FCHSD2: variants seen among roughly 807,000 people sequenced by gnomAD.
The protein encoded by FCHSD2 is F-BAR and double SH3 domains protein 2.
A neutral mutation model predicts 108.1 loss-of-function variants in FCHSD2; 38 were observed. That is an observed-to-expected ratio of 0.35 (90% CI 0.27 to 0.46). FCHSD2 has a LOEUF of 0.46. Among genes scored for constraint, FCHSD2 ranks in the 20% least tolerant of loss-of-function variants. The probability of loss-of-function intolerance (pLI) is 1.00; values close to 1 mark genes in which losing one functional copy is unlikely to be tolerated. For missense variants in FCHSD2, 751 were observed against 897.8 expected (o/e 0.84, Z 2.09); for synonymous variants, 279 against 314.7 (o/e 0.89, Z 1.20).
chr11:72,884,483 A>T (rs547952731), intron 12 of FCHSD2, among the ~76,000 whole-genome samples: 1 of 149,702 alleles, frequency 6.7e-6, no homozygotes, highest in African/African-American at 2.4e-5. Context: ...AAATATATAT[A>T]TATCTGTGTG....
At chr11:73,074,776 G>C (rs1425528808) in intron 3 of FCHSD2, among the ~76,000 whole-genome samples, 1 of 152,198 alleles carries the variant, frequency 6.6e-6, no homozygotes, top group Non-Finnish European at 1.5e-5. Flanking sequence ...GCCAGGCACA[G>C]TGGCTCATGC....
chr11:73,075,310 C>T (rs909184613), intron 3 of FCHSD2, among the ~76,000 whole-genome samples: 2 of 152,138 alleles, frequency 1.3e-5, no homozygotes, highest in Admixed American at 6.6e-5. Context: ...TAGGTAAATA[C>T]CCAATAGAAC....
intron 9 of FCHSD2, among the ~76,000 whole-genome samples, chr11:72,903,379 G>A (rs936047481): frequency 2.0e-5 from 3 of 152,058 alleles, no homozygotes; most frequent in African/African-American, 7.2e-5. Flanking sequence ...ACTGCGCCCA[G>A]CTAATTTTTT....
chr11:73,097,383 TA>T (rs977172567), intron 2 of FCHSD2, among the ~76,000 whole-genome samples: 15 of 150,924 alleles, frequency 9.9e-5, no homozygotes, highest in African/African-American at 2.4e-4. Context: ...TTTATTTATT[TA>T]TTTTTTTTTT....
chr11:73,141,778 A>G, intron 1 of FCHSD2, 79 bp downstream of exon 1: 3 of 1,415,920 alleles, frequency 2.1e-6, no homozygotes, highest in East Asian at 2.7e-5. Context: ...CGGGAGGGGG[A>G]AGGGGCGCAG....
intron 13 of FCHSD2, among the ~76,000 whole-genome samples, chr11:72,854,681 A>G (rs1475402174): frequency 6.6e-6 from 1 of 152,232 alleles, no homozygotes; most frequent in Non-Finnish European, 1.5e-5. Flanking sequence ...TAAGTGGAAT[A>G]ACCCAGTCAC....
At chr11:73,082,086 C>A (rs1859701529) in intron 3 of FCHSD2, among the ~76,000 whole-genome samples, 1 of 151,820 alleles carries the variant, frequency 6.6e-6, no homozygotes, top group African/African-American at 2.4e-5. Context: ...GCCTGTAATC[C>A]CAGCACTTTG....
intron 8 of FCHSD2, among the ~76,000 whole-genome samples, chr11:72,968,724 C>T (rs1423365064): frequency 1.3e-5 from 2 of 152,154 alleles, no homozygotes; most frequent in South Asian, 2.1e-4. Flanking sequence ...AAACTATATA[C>T]CCCATGAGCA....
At chr11:72,847,578 T>C (rs895835525) in intron 14 of FCHSD2, among the ~76,000 whole-genome samples, 2 of 152,118 alleles carry the variant, frequency 1.3e-5, no homozygotes, top group Non-Finnish European at 2.9e-5. Flanking sequence ...AGCAGTACTA[T>C]ATGAAAGGAC....
At chr11:73,061,164 A>G (rs905908281) in intron 3 of FCHSD2, among the ~76,000 whole-genome samples, 9 of 152,208 alleles carry the variant, frequency 5.9e-5, no homozygotes, top group South Asian at 2.1e-4. Flanking sequence ...ATGGAAGGCG[A>G]GCCGAAGCAG....
intron 3 of FCHSD2, among the ~76,000 whole-genome samples, chr11:73,072,906 A>G (rs1859468308): frequency 6.6e-6 from 1 of 152,198 alleles, no homozygotes; most frequent in Non-Finnish European, 1.5e-5. Context: ...AAAATAGCAA[A>G]AAATTTTAGG....
At chr11:72,880,879 A>G (rs1298592291) in intron 12 of FCHSD2, among the ~76,000 whole-genome samples, 1 of 151,636 alleles carries the variant, frequency 6.6e-6, no homozygotes, top group East Asian at 1.9e-4. Flanking sequence ...AAAAAAAAAA[A>G]AAGAAAACAA....
intron 12 of FCHSD2, among the ~76,000 whole-genome samples, chr11:72,879,224 A>G (rs970986149): frequency 1.3e-5 from 2 of 152,366 alleles, no homozygotes; most frequent in Admixed American, 6.5e-5. Flanking sequence ...TTTCTAATTT[A>G]TCTCTACATT....
intron 3 of FCHSD2, among the ~76,000 whole-genome samples, chr11:73,038,893 A>G (rs1858563298): frequency 1.3e-5 from 2 of 152,232 alleles, no homozygotes; most frequent in African/African-American, 4.8e-5. Context: ...CAATATCCAT[A>G]TAAATTATGA....
At chr11:72,942,855 C>T (rs765381849) in intron 8 of FCHSD2, among the ~76,000 whole-genome samples, 3 of 152,064 alleles carry the variant, frequency 2.0e-5, no homozygotes, top group Non-Finnish European at 4.4e-5. Flanking sequence ...GATCATAGTT[C>T]GCAGCTTCAA....
intron 3 of FCHSD2, among the ~76,000 whole-genome samples, chr11:73,051,866 TAAAC>T (rs1565386075): frequency 9.7e-6 from 1 of 102,846 alleles, no homozygotes; most frequent in Non-Finnish European, 1.9e-5. Flanking sequence ...ACACGGTATA[TAAAC>T]ACACACACAC....
chr11:72,973,310 T>C (rs560009367), intron 8 of FCHSD2, among the ~76,000 whole-genome samples: 4 of 151,332 alleles, frequency 2.6e-5, no homozygotes, highest in East Asian at 1.9e-4. Flanking sequence ...GAGGTTGTGG[T>C]GAGACGAGAT....
chr11:73,077,097 C>CAAAAAA (rs372641793), intron 3 of FCHSD2, among the ~76,000 whole-genome samples: 6 of 72,384 alleles, frequency 8.3e-5, no homozygotes, highest in Non-Finnish European at 1.3e-4. Context: ...GACTCTGTCT[C>CAAAAAA]AAAAAAAAAA....
chr11:73,128,510 TGTTGAGTTAATTTCTG>T (rs1860912739), intron 2 of FCHSD2, among the ~76,000 whole-genome samples: 1 of 152,124 alleles, frequency 6.6e-6, no homozygotes, highest in South Asian at 2.1e-4. Flanking sequence ...AGGGAAAGTC[TGTTGAGTTAATTTCTG>T]GTAAAAAATT....
Sources: allele counts gnomAD v4.1 joint callset (sites outside exome capture counted in the v4.1 genomes callset), GRCh38; gene constraint gnomAD v4.1.1; transcripts MANE v1.5; gene names NCBI Gene and HGNC (gene_info 2026-07-23, HGNC 2026-07-21).